HEMK2: variants seen among roughly 807,000 people sequenced by gnomAD.
HEMK2 encodes the protein methyltransferase HEMK2.
At chr21:28,766,704 C>G in the HEMK2 span, among the ~76,000 whole-genome samples, 1 of 151,990 alleles carries the variant, frequency 6.6e-6, no homozygotes, top group African/African-American at 2.4e-5. Flanking sequence ...TCTTTTGCAA[C>G]AACTTGAAGA....
chr21:28,603,935 G>T, the HEMK2 span, among the ~76,000 whole-genome samples: 1 of 152,204 alleles, frequency 6.6e-6, no homozygotes, highest in African/African-American at 2.4e-5. Context: ...AGCCATGCAG[G>T]TGGCCTGCCT....
At chr21:28,590,700 C>T in the HEMK2 span, among the ~76,000 whole-genome samples, 1 of 152,138 alleles carries the variant, frequency 6.6e-6, no homozygotes, top group African/African-American at 2.4e-5. Flanking sequence ...GATGAGTTTG[C>T]CAAAGTCATC....
chr21:28,597,351 A>G, the HEMK2 span, among the ~76,000 whole-genome samples: 1 of 152,246 alleles, frequency 6.6e-6, no homozygotes, highest in East Asian at 1.9e-4. Flanking sequence ...GGTGAGAACA[A>G]GAAAAGAGAC....
the HEMK2 span, among the ~76,000 whole-genome samples, chr21:28,833,316 G>A: frequency 6.6e-6 from 1 of 152,330 alleles, no homozygotes; most frequent in African/African-American, 2.4e-5. Flanking sequence ...GCAACCACAG[G>A]CTCCAGAGAT....
chr21:28,781,294 T>TA, the HEMK2 span, among the ~76,000 whole-genome samples: 1 of 152,248 alleles, frequency 6.6e-6, no homozygotes, highest in African/African-American at 2.4e-5. Flanking sequence ...GCTTCTGTTC[T>TA]ATATCAACTT....
chr21:28,749,320 G>A, the HEMK2 span, among the ~76,000 whole-genome samples: 44 of 152,248 alleles, frequency 2.9e-4, no homozygotes, highest in Non-Finnish European at 5.0e-4. Flanking sequence ...TATGGGCCAA[G>A]CATTGTTCCA....
the HEMK2 span, among the ~76,000 whole-genome samples, chr21:28,863,413 TATATATATATATATATATATATATA>T: frequency 0.018 from 438 of 24,130 alleles, 49 homozygotes; most frequent in African/African-American, 0.039. Context: ...CTCCCTTTTA[TATATATATATATATATATATATATA>T]TATATATATA....
chr21:28,815,594 T>C, the HEMK2 span, among the ~76,000 whole-genome samples: 2 of 151,936 alleles, frequency 1.3e-5, no homozygotes, highest in African/African-American at 4.8e-5. Context: ...CATAGCACCT[T>C]TCACCAACAG....
chr21:28,773,608 T>A, the HEMK2 span, among the ~76,000 whole-genome samples: 1 of 152,162 alleles, frequency 6.6e-6, no homozygotes, highest in Admixed American at 6.6e-5. Context: ...AATTGCATTT[T>A]AAATATACAC....
chr21:28,791,035 C>T, the HEMK2 span, among the ~76,000 whole-genome samples: 2 of 152,082 alleles, frequency 1.3e-5, no homozygotes, highest in African/African-American at 4.8e-5. Context: ...CCTTGATTGA[C>T]AGTATTCCAT....
At chr21:28,818,771 A>C in the HEMK2 span, among the ~76,000 whole-genome samples, 1 of 152,186 alleles carries the variant, frequency 6.6e-6, no homozygotes, top group Non-Finnish European at 1.5e-5. Context: ...GCCTAGCTTC[A>C]CCATTAATTG....
At chr21:28,646,989 T>C in the HEMK2 span, among the ~76,000 whole-genome samples, 1 of 152,180 alleles carries the variant, frequency 6.6e-6, no homozygotes, top group African/African-American at 2.4e-5. Flanking sequence ...AGGGGTGTGG[T>C]AAAGTCATAT....
At chr21:28,809,975 T>C in the HEMK2 span, among the ~76,000 whole-genome samples, 1 of 152,178 alleles carries the variant, frequency 6.6e-6, no homozygotes, top group Admixed American at 6.5e-5. Flanking sequence ...CTCTGCTATA[T>C]AATGTCATGG....
At chr21:28,586,089 C>A in the HEMK2 span, among the ~76,000 whole-genome samples, 1 of 152,088 alleles carries the variant, frequency 6.6e-6, no homozygotes, top group Non-Finnish European at 1.5e-5. Flanking sequence ...GATCTGGGAG[C>A]AAGAAAGTGG....
At chr21:28,789,040 C>G in the HEMK2 span, among the ~76,000 whole-genome samples, 17 of 152,158 alleles carry the variant, frequency 1.1e-4, no homozygotes, top group African/African-American at 4.1e-4. Flanking sequence ...TAAGAGGGAA[C>G]AAACTCTGCT....
the HEMK2 span, among the ~76,000 whole-genome samples, chr21:28,576,899 T>G: frequency 1.3e-5 from 2 of 152,132 alleles, no homozygotes; most frequent in Non-Finnish European, 2.9e-5. Flanking sequence ...TTAGTAAAGA[T>G]AGGGTTTCAC....
chr21:28,648,694 A>T, the HEMK2 span, among the ~76,000 whole-genome samples: 2 of 152,216 alleles, frequency 1.3e-5, no homozygotes, highest in African/African-American at 4.8e-5. Context: ...ACCATAAAGA[A>T]GTATGTCAAT....
chr21:28,860,219 C>T, the HEMK2 span, among the ~76,000 whole-genome samples: 1 of 152,054 alleles, frequency 6.6e-6, no homozygotes, highest in Admixed American at 6.6e-5. Flanking sequence ...ATCTACTCAG[C>T]TCCCAGCGTG....
At chr21:28,662,413 T>C in the HEMK2 span, among the ~76,000 whole-genome samples, 1 of 152,118 alleles carries the variant, frequency 6.6e-6, no homozygotes, top group African/African-American at 2.4e-5. Context: ...ACAGGAAGCA[T>C]TTCACAAAGC....
Sources: gnomAD v4.1 joint callset for allele counts (sites outside exome capture counted in the v4.1 genomes callset) on GRCh38, gnomAD v4.1.1 for gene constraint, MANE v1.5 for transcripts, NCBI Gene and HGNC (gene_info 2026-07-23, HGNC 2026-07-21) for gene names.